The following SORT1 variants were observed in gnomAD, a reference collection of about 807,000 sequenced individuals.
The protein encoded by SORT1 is sortilin 1, also known as sortilin.
Under a neutral mutation model 101.7 loss-of-function variants are expected in SORT1, and 39 were observed. The ratio of observed to expected loss-of-function variants is 0.38; its 90% CI spans 0.30 to 0.50. SORT1 has a LOEUF of 0.50. Among genes scored for constraint, SORT1 ranks in the 20% least tolerant of loss-of-function variants. The pLI, the probability that SORT1 is intolerant of heterozygous loss-of-function variation, is 0.90. For synonymous variants in SORT1, 396 were observed against 393.7 expected, an observed-to-expected ratio of 1.01 and a Z score of -0.07; for missense variants, 878 against 1,040.4, an observed-to-expected ratio of 0.84 and a Z score of 2.15.
At position 109,325,032 on chromosome 1, in the gene SORT1, G is replaced by A; in HGVS notation, c.1701C>T (p.Ile567=). 1 of 1,613,852 alleles carries A rather than the reference G, an allele frequency of 6.2e-7. No individual in the cohort carries two copies. Among genetic ancestry groups the A allele is most frequent in the Non-Finnish European group, 8.5e-7 (1 of 1,179,780 alleles). ...GTTCTGAAGCTAGGCCAGTGAAATA[G>A]ATGGGGTCCCTGGTGAACGTGTAGG... ...WQTYTFTRDP[I]YFTGLASEPG... The change falls in exon 14 of 20, where the codon ATC becomes ATT. Residue 567 remains isoleucine (I), a synonymous_variant. Coordinates refer to ENST00000256637, the MANE Select transcript of SORT1 (RefSeq NM_002959.7).
chr1:109,317,741 G>A (rs897312339), intron 16 of SORT1, 112 bp downstream of exon 16: 15 of 748,060 alleles, frequency 2.0e-5, no homozygotes, highest in South Asian at 6.9e-5. Flanking sequence ...CCCCAACCCC[G>A]CCAAAAATAG....
intron 17 of SORT1, 137 bp from the exon 18 acceptor site, chr1:109,314,915 A>AC: frequency 5.4e-6 from 3 of 557,814 alleles, no homozygotes; most frequent in East Asian, 3.2e-5. Context: ...CTCTTTTCCA[A>AC]CCCCCCAAGA....
chr1:109,369,037 C>T (rs917780505), intron 2 of SORT1, among the ~76,000 whole-genome samples: 9 of 150,672 alleles, frequency 6.0e-5, no homozygotes, highest in Middle Eastern at 3.4e-3. Context: ...AAGATGTTCC[C>T]GGCCAGGCGC....
intron 1 of SORT1, among the ~76,000 whole-genome samples, chr1:109,387,098 C>G (rs1652615429): frequency 6.6e-6 from 1 of 152,000 alleles, no homozygotes; most frequent in East Asian, 1.9e-4. Context: ...CAAGACCAGC[C>G]TGGCCAACAT....
chr1:109,386,572 G>T (rs1353550432), intron 1 of SORT1, among the ~76,000 whole-genome samples: 1 of 152,160 alleles, frequency 6.6e-6, no homozygotes, highest in Non-Finnish European at 1.5e-5. Context: ...ATGCACATAG[G>T]CCAGGTGTGG....
At chr1:109,385,434 T>G (rs1413987914) in intron 1 of SORT1, among the ~76,000 whole-genome samples, 1 of 152,146 alleles carries the variant, frequency 6.6e-6, no homozygotes, top group Non-Finnish European at 1.5e-5. Context: ...TAGGCTTAGT[T>G]TTTGAAAGTC....
At chr1:109,374,485 A>T (rs1273131777) in intron 1 of SORT1, among the ~76,000 whole-genome samples, 1 of 151,782 alleles carries the variant, frequency 6.6e-6, no homozygotes, top group Non-Finnish European at 1.5e-5. Context: ...CAGCTACTCA[A>T]GAGGCTGAGG....
intron 3 of SORT1, among the ~76,000 whole-genome samples, chr1:109,366,072 G>A (rs1651069134): frequency 6.6e-6 from 1 of 152,134 alleles, no homozygotes; most frequent in South Asian, 2.1e-4. Context: ...GGTCTCTAGG[G>A]GAAAATGAGA....
Position 109,313,878 on chromosome 1 carries a change from C to T in SORT1, c.*165G>A. On this transcript the variant is annotated 3_prime_UTR_variant, in exon 20 of 20. Coordinates refer to ENST00000256637, the MANE Select transcript of SORT1 (RefSeq NM_002959.7). ...AAAAGTGCTCAGGGTTCCCCACCCC[C>T]ACCCTGCATTTCTTTAGTGTAGGTC... The T allele has an allele frequency of 1.8e-6, 1 of 555,142 alleles. No individual in the cohort carries two copies. The highest frequency in any genetic ancestry group is 3.2e-6 in the Non-Finnish European group (1 of 314,132). 34.4% of individuals were successfully genotyped at this position (555,142 alleles called of 1,614,324 possible).
At chr1:109,339,035 G>A (rs1280835485) in intron 10 of SORT1, among the ~76,000 whole-genome samples, 1 of 151,968 alleles carries the variant, frequency 6.6e-6, no homozygotes, top group East Asian at 1.9e-4. Flanking sequence ...CCACCACCAC[G>A]CCCAGCTAAT....
chr1:109,348,281 T>G (rs1217059695), intron 6 of SORT1, among the ~76,000 whole-genome samples: 7 of 152,000 alleles, frequency 4.6e-5, no homozygotes, highest in African/African-American at 9.7e-5. Flanking sequence ...CAAAAAAAGG[T>G]GTTGGTTTTG....
chr1:109,390,634 G>C (rs946721019), intron 1 of SORT1, among the ~76,000 whole-genome samples: 2 of 151,812 alleles, frequency 1.3e-5, no homozygotes, highest in African/African-American at 4.8e-5. Context: ...GAACTAACTT[G>C]TCTGGGAATT....
At chr1:109,378,420 G>A (rs888936557) in intron 1 of SORT1, among the ~76,000 whole-genome samples, 5 of 151,832 alleles carry the variant, frequency 3.3e-5, no homozygotes, top group Non-Finnish European at 7.4e-5. Flanking sequence ...AGACAGGAAA[G>A]GTGTCTGATG....
intron 3 of SORT1, chr1:109,366,848 G>A (rs192912909): frequency 6.6e-6 from 1 of 152,182 alleles, no homozygotes; most frequent in Admixed American, 6.5e-5. Flanking sequence ...GGAGGGAGAG[G>A]TTGCAATGAG....
chr1:109,352,712 T>A (rs1344295145), intron 5 of SORT1, among the ~76,000 whole-genome samples: 1 of 152,200 alleles, frequency 6.6e-6, no homozygotes. Flanking sequence ...TACCACTGAT[T>A]TGCACTTTAG....
chr1:109,382,346 G>C (rs1652297324), intron 1 of SORT1, among the ~76,000 whole-genome samples: 1 of 152,088 alleles, frequency 6.6e-6, no homozygotes, highest in Admixed American at 6.5e-5. Flanking sequence ...ATGTTGGCCA[G>C]GATGGTTTCA....
chr1:109,336,295 T>C lies in SORT1; in HGVS notation c.1316A>G (p.His439Arg), dbSNP rs778263893. 63 of 1,613,732 alleles carry C rather than the reference T, an allele frequency of 3.9e-5. No individual in the cohort carries two copies. The Admixed American group carries it at 1.0e-3, about 26-fold the overall frequency. Residue 439 changes from histidine to arginine, a missense_variant, in exon 11 of 20, where the codon CAC (histidine) becomes CGC (arginine). This residue lies in a region of SORT1 where 684 missense variants were observed against 894.5 expected (regional missense o/e 0.76). Coordinates refer to ENST00000256637, the MANE Select transcript of SORT1 (RefSeq NM_002959.7). ...ITFDQGGRWTHLRKPENSECD... is the reference protein window; with the variant it reads ...ITFDQGGRWTRLRKPENSECD... ...TTCACTGTTTTCAGGCTTCCTCAGG[T>C]GCGTCCACCTTCCTCCTTGGTCAAA...
At chr1:109,348,834 AG>A (rs770476397) in intron 6 of SORT1, among the ~76,000 whole-genome samples, 7 of 152,122 alleles carry the variant, frequency 4.6e-5, no homozygotes, top group Non-Finnish European at 7.3e-5. Flanking sequence ...AAACTTAGCC[AG>A]GTGTATGCCT....
At chr1:109,336,199 G>A (rs889075914) in intron 11 of SORT1, 41 bp downstream of exon 11, 3 of 1,245,562 alleles carry the variant, frequency 2.4e-6, no homozygotes, top group Non-Finnish European at 2.4e-6. Flanking sequence ...AGAGCACAAT[G>A]GAAAGGCTGC....
Sources: allele counts gnomAD v4.1 joint callset (sites outside exome capture counted in the v4.1 genomes callset), GRCh38; gene constraint gnomAD v4.1.1; regional missense constraint gnomAD v4.1.1; transcripts MANE v1.5; gene names NCBI Gene and HGNC (gene_info 2026-07-23, HGNC 2026-07-21).